The following KCND2 variants were observed in gnomAD, a reference collection of about 807,000 sequenced individuals.
The protein encoded by KCND2 is potassium voltage-gated channel subfamily D member 2, also known as A-type voltage-gated potassium channel KCND2.
In KCND2, 16 loss-of-function variants were observed where a neutral mutation model predicts 54.4. The ratio of observed to expected loss-of-function variants is 0.29; its 90% CI spans 0.20 to 0.45. The LOEUF (loss-of-function observed/expected upper bound fraction) is 0.45. Among genes scored for constraint, KCND2 ranks in the 20% least tolerant of loss-of-function variants. The pLI is 1.00. For synonymous variants in KCND2, 317 were observed against 310.7 expected (o/e 1.02, Z -0.21); for missense variants, 486 against 824.2 (o/e 0.59, Z 5.02).
intron 1 of KCND2, among the ~76,000 whole-genome samples, chr7:120,476,873 A>G (rs1444975862): frequency 6.6e-6 from 1 of 152,220 alleles, no homozygotes; most frequent in Non-Finnish European, 1.5e-5. Context: ...GGGTTTGAGC[A>G]TCACAATTGA....
At chr7:120,530,312 C>G (rs138653945) in intron 1 of KCND2, among the ~76,000 whole-genome samples, 102 of 152,046 alleles carry the variant, frequency 6.7e-4, no homozygotes, top group African/African-American at 2.4e-3. Flanking sequence ...TATGTACACA[C>G]AAAAATGTAG....
intron 1 of KCND2, among the ~76,000 whole-genome samples, chr7:120,687,277 G>A (rs1007154905): frequency 6.6e-6 from 1 of 152,124 alleles, no homozygotes; most frequent in Non-Finnish European, 1.5e-5. Flanking sequence ...GGGTTAAGGG[G>A]AGGAAGAAAT....
intron 1 of KCND2, among the ~76,000 whole-genome samples, chr7:120,293,087 A>G (rs1384613841): frequency 6.6e-6 from 1 of 151,846 alleles, no homozygotes; most frequent in African/African-American, 2.4e-5. Flanking sequence ...CTTTCTTTAT[A>G]CTGTTGATTC....
At chr7:120,348,304 A>G (rs1030858001) in intron 1 of KCND2, among the ~76,000 whole-genome samples, 8 of 152,126 alleles carry the variant, frequency 5.3e-5, no homozygotes, top group African/African-American at 1.9e-4. Flanking sequence ...TGATAGAGGC[A>G]TGGTTTCTGG....
At chr7:120,402,105 T>C (rs549532493) in intron 1 of KCND2, among the ~76,000 whole-genome samples, 4 of 152,194 alleles carry the variant, frequency 2.6e-5, no homozygotes, top group Non-Finnish European at 5.9e-5. Flanking sequence ...TGAAGCAGAA[T>C]GCCTAAGACA....
chr7:120,284,132 T>C (rs1799304219), intron 1 of KCND2, among the ~76,000 whole-genome samples: 1 of 152,304 alleles, frequency 6.6e-6, no homozygotes, highest in East Asian at 1.9e-4. Flanking sequence ...AAATAGTTTT[T>C]GAATCTAGAG....
In KCND2 at chr7:120,275,325, C is replaced by T. The variant is rs1799157887; in HGVS notation, c.693C>T (p.Cys231=). The change falls in exon 1 of 6, where the codon TGC becomes TGT. Residue 231 remains cysteine, a synonymous_variant. Transcript: ENST00000331113. The part of the protein sequence containing the change: ...CGERYAVAFF[C]LDTACVMIFT... Reference sequence around the variant, plus strand: ...AGCGGTATGCTGTGGCCTTCTTCTGCTTGGACACGGCCTGCGTCATGATCT... The same window carrying T: ...AGCGGTATGCTGTGGCCTTCTTCTGTTTGGACACGGCCTGCGTCATGATCT... 6.2e-6 allele frequency: 10 copies of T among 1,613,798 alleles called. No homozygotes were observed. Among genetic ancestry groups the T allele is most frequent in the Admixed American group, 1.7e-5 (1 of 59,994 alleles).
chr7:120,403,531 A>C (rs567437254), intron 1 of KCND2, among the ~76,000 whole-genome samples: 1 of 145,222 alleles, frequency 6.9e-6, no homozygotes, highest in Non-Finnish European at 1.5e-5. Flanking sequence ...GGGTCTCATC[A>C]TGTGGTCAGG....
intron 1 of KCND2, among the ~76,000 whole-genome samples, chr7:120,465,634 T>C (rs2116249504): frequency 6.6e-6 from 1 of 152,236 alleles, no homozygotes; most frequent in Non-Finnish European, 1.5e-5. Flanking sequence ...TTGAGGTGTT[T>C]GAAACAAAGA....
At chr7:120,299,843 G>C (rs1392250387) in intron 1 of KCND2, among the ~76,000 whole-genome samples, 1 of 152,150 alleles carries the variant, frequency 6.6e-6, no homozygotes, top group African/African-American at 2.4e-5. Context: ...AGGCCTACTT[G>C]CAAAGTGGCT....
At chr7:120,382,727 A>T (rs1405096211) in intron 1 of KCND2, among the ~76,000 whole-genome samples, 2 of 151,862 alleles carry the variant, frequency 1.3e-5, no homozygotes. Context: ...GTCACAATAG[A>T]ATTTTACTAT....
chr7:120,503,760 T>C (rs1040321150), intron 1 of KCND2, among the ~76,000 whole-genome samples: 7 of 151,940 alleles, frequency 4.6e-5, no homozygotes, highest in Non-Finnish European at 8.8e-5. Flanking sequence ...CGTCAGTAGG[T>C]CTACTTTATA....
chr7:120,353,006 A>T (rs1267619968), intron 1 of KCND2, among the ~76,000 whole-genome samples: 1 of 152,104 alleles, frequency 6.6e-6, no homozygotes, highest in Non-Finnish European at 1.5e-5. Flanking sequence ...CAAAATAATA[A>T]TCAGTAATAT....
chr7:120,580,556 A>G (rs897013138), intron 1 of KCND2, among the ~76,000 whole-genome samples: 4 of 152,190 alleles, frequency 2.6e-5, no homozygotes, highest in African/African-American at 9.6e-5. Context: ...ACAGTCCTGC[A>G]TTGTTTACAA....
chr7:120,570,960 T>C (rs1584833021), intron 1 of KCND2, among the ~76,000 whole-genome samples: 1 of 152,216 alleles, frequency 6.6e-6, no homozygotes, highest in Non-Finnish European at 1.5e-5. Context: ...ACCACTGTGA[T>C]ACTAACAGTT....
chr7:120,301,235 A>G (rs1799581921), intron 1 of KCND2, among the ~76,000 whole-genome samples: 3 of 152,152 alleles, frequency 2.0e-5, no homozygotes, highest in Non-Finnish European at 2.9e-5. Context: ...TAATATTACT[A>G]TAGTTATCTT....
intron 1 of KCND2, among the ~76,000 whole-genome samples, chr7:120,676,851 A>G (rs765170843): frequency 2.6e-5 from 4 of 152,226 alleles, no homozygotes; most frequent in African/African-American, 4.8e-5. Flanking sequence ...GGAAAAAGAA[A>G]AAAGGCATCT....
intron 1 of KCND2, among the ~76,000 whole-genome samples, chr7:120,433,556 A>T (rs1160823850): frequency 6.6e-6 from 1 of 152,188 alleles, no homozygotes; most frequent in South Asian, 2.1e-4. Flanking sequence ...CCTGTCTTGA[A>T]CTTAGACTGT....
intron 1 of KCND2, among the ~76,000 whole-genome samples, chr7:120,451,270 C>T (rs1802103369): frequency 6.6e-6 from 1 of 152,044 alleles, no homozygotes; most frequent in Non-Finnish European, 1.5e-5. Flanking sequence ...ACCCTAACGT[C>T]CAGTAAATCA....
Sources: allele counts gnomAD v4.1 joint callset (sites outside exome capture counted in the v4.1 genomes callset), GRCh38; gene constraint gnomAD v4.1.1; transcripts MANE v1.5; gene names NCBI Gene and HGNC (gene_info 2026-07-23, HGNC 2026-07-21).